GRAMD2B: variants seen among roughly 807,000 people sequenced by gnomAD.
GRAMD2B encodes the protein GRAM domain containing 2B.
GRAMD2B carries 41 observed loss-of-function variants against 59.2 expected under a neutral mutation model. The ratio of observed to expected loss-of-function variants is 0.69; its 90% confidence interval spans 0.54 to 0.90. The LOEUF is 0.90. Ranked by LOEUF, GRAMD2B falls within the 40% of genes least tolerant of loss-of-function variation. GRAMD2B has a pLI of 0.00. For missense variants in GRAMD2B, 424 were observed against 500.5 expected (o/e 0.85, Z 1.46); for synonymous variants, 161 against 182.7 (o/e 0.88, Z 0.96).
chr5:126,405,002 C>T (rs1017600129), intron 1 of GRAMD2B, among the ~76,000 whole-genome samples: 1 of 151,930 alleles, frequency 6.6e-6, no homozygotes, highest in African/African-American at 2.4e-5. Context: ...GGTCAAGTTA[C>T]TTACTCAAGG....
chr5:126,418,083 C>T (rs952332015), intron 1 of GRAMD2B, among the ~76,000 whole-genome samples: 1 of 152,126 alleles, frequency 6.6e-6, no homozygotes, highest in Non-Finnish European at 1.5e-5. Flanking sequence ...GGAGAGACTG[C>T]ATTGAAATAG....
intron 1 of GRAMD2B, among the ~76,000 whole-genome samples, chr5:126,372,537 G>A (rs757865576): frequency 6.6e-6 from 1 of 152,016 alleles, no homozygotes; most frequent in Admixed American, 6.6e-5. Context: ...AGAATGCCAG[G>A]TTATGAAAAT....
chr5:126,410,275 T>G (rs1475186248), intron 1 of GRAMD2B, among the ~76,000 whole-genome samples: 1 of 151,954 alleles, frequency 6.6e-6, no homozygotes, highest in Non-Finnish European at 1.5e-5. Flanking sequence ...TAAATTACCT[T>G]GGGCAGTATG....
chr5:126,378,966 T>C (rs1755433630), intron 1 of GRAMD2B, among the ~76,000 whole-genome samples: 1 of 152,184 alleles, frequency 6.6e-6, no homozygotes, highest in Non-Finnish European at 1.5e-5. Flanking sequence ...CAATGATAAG[T>C]TCCTTAGTGG....
intron 2 of GRAMD2B, chr5:126,466,373 A>G (rs1049664769): frequency 9.3e-6 from 8 of 857,098 alleles, no homozygotes; most frequent in African/African-American, 3.4e-5. Flanking sequence ...TCCTCTTCTG[A>G]CTCTAATTCC....
intron 1 of GRAMD2B, among the ~76,000 whole-genome samples, chr5:126,457,692 G>A (rs1208232450): frequency 6.6e-6 from 1 of 152,074 alleles, no homozygotes; most frequent in Non-Finnish European, 1.5e-5. Context: ...ATCTTAAAGG[G>A]AGAGAGTCAC....
At position 126,469,583 on chromosome 5, in the gene GRAMD2B, C is replaced by T. The variant is rs146284307; in HGVS notation, c.204-94C>T. On this transcript the variant is annotated intron_variant, in intron 2 of 13. Transcript: ENST00000285689. ...CCTGGACGGGGAGGTTGCAGTGAAC[C>T]GTGATCATGCTGCTGCACTTCAGCC... 2.1e-3 allele frequency: 1,698 copies of T among 805,858 alleles called. 19 individuals are homozygous for T. In the African/African-American group the frequency reaches 0.026, roughly 12 times the overall value. The allele number at this position is 805,858 out of a possible 1,614,324, so 49.9% of individuals were successfully genotyped here.
rs1235269044 is a variant in GRAMD2B at position 126,493,039 on chromosome 5, C to A, written c.*83C>A. On this transcript the variant is annotated 3_prime_UTR_variant, in exon 14 of 14. Coordinates refer to ENST00000285689, the MANE Select transcript of GRAMD2B (RefSeq NM_023927.4). The stretch of plus-strand genomic sequence containing the variant: ...TCCTGAGGCGTTTTGTTTGAGTGCA[C>A]CCTGCTGGTCAGAGGTGCAAGCAGA... 4 of 1,023,894 alleles carry A rather than the reference C, an allele frequency of 3.9e-6. No individual in the cohort carries two copies. Among genetic ancestry groups the A allele is most frequent in the African/African-American group, 1.6e-5 (1 of 63,074 alleles). 63.4% of individuals were successfully genotyped at this position (1,023,894 alleles called of 1,614,324 possible). A position where few individuals can be genotyped will look rare whatever the true frequency, so the allele number is the denominator to read the frequency against.
At chr5:126,454,072 G>C (rs1225052783) in intron 1 of GRAMD2B, among the ~76,000 whole-genome samples, 1 of 152,170 alleles carries the variant, frequency 6.6e-6, no homozygotes, top group Middle Eastern at 3.2e-3. Flanking sequence ...AGGGAGCAGA[G>C]AACTGAGAAT....
chr5:126,387,442 T>A lies in GRAMD2B; in HGVS notation c.125+15875T>A, dbSNP rs79844616. The stretch of plus-strand genomic sequence containing the variant: ...TGGTTTTAAATGTCTCTGGGCTTAG[T>A]TTATTTTCTGGAAATATAAGAATAA... On this transcript the variant is annotated intron_variant, in intron 1 of 8. Transcript: ENST00000506445. 4.6e-3 allele frequency among the ~76,000 whole-genome samples: 701 copies of A among 152,006 alleles called. 5 individuals are homozygous for A. Among genetic ancestry groups the A allele is most frequent in the African/African-American group, 0.016 (662 of 41,540 alleles).
upstream of GRAMD2B, among the ~76,000 whole-genome samples, chr5:126,418,475 G>A (rs1004625529): frequency 2.6e-5 from 4 of 152,170 alleles, no homozygotes; most frequent in Non-Finnish European, 5.9e-5. Context: ...CTATTCCTCT[G>A]AGCATGAGTG....
At chr5:126,426,031 G>A (rs779383610) in intron 1 of GRAMD2B, among the ~76,000 whole-genome samples, 12 of 151,914 alleles carry the variant, frequency 7.9e-5, no homozygotes, top group Admixed American at 1.3e-4. Context: ...AAAATGATAG[G>A]TAAGCAAGAC....
intron 1 of GRAMD2B, among the ~76,000 whole-genome samples, chr5:126,457,348 T>G (rs996911433): frequency 2.6e-5 from 4 of 151,074 alleles, no homozygotes; most frequent in Non-Finnish European, 5.9e-5. Flanking sequence ...AATATATAGG[T>G]CTTGGCCAGG....
rs565866745 is a variant in GRAMD2B at position 126,443,789 on chromosome 5, C to T, written c.83+20100C>T. ...GGCCAGCTGGGTGCTGTGGGTCATG[C>T]CTGTAATCCCAACACTTTGGGAGGC... On this transcript the variant is annotated intron_variant, in intron 1 of 13. Coordinates refer to ENST00000285689, the MANE Select transcript of GRAMD2B (RefSeq NM_023927.4). Among the ~76,000 whole-genome samples the T allele has an allele frequency of 8.5e-5, 13 of 152,314 alleles. No homozygotes were observed. In the South Asian group the frequency reaches 1.0e-3, roughly 12 times the overall value.
intron 1 of GRAMD2B, among the ~76,000 whole-genome samples, chr5:126,394,562 A>ACATTCCATTTCAATATTCTG (rs1213051467): frequency 1.3e-5 from 2 of 152,302 alleles, no homozygotes; most frequent in East Asian, 1.9e-4. Context: ...TCAATATTCT[A>ACATTCCATTTCAATATTCTG]CATTCCATTT....
chr5:126,407,037 TG>T (rs1241803635), intron 1 of GRAMD2B, among the ~76,000 whole-genome samples: 2 of 152,036 alleles, frequency 1.3e-5, no homozygotes, highest in East Asian at 3.9e-4. Context: ...GAAGCTTGAG[TG>T]TTTTTCAAGT....
chr5:126,463,961 G>A (rs546057266), intron 1 of GRAMD2B, among the ~76,000 whole-genome samples: 11 of 152,114 alleles, frequency 7.2e-5, no homozygotes, highest in Non-Finnish European at 1.5e-4. Context: ...CTAGGAGGCA[G>A]TGGTTGCAGT....
intron 1 of GRAMD2B, among the ~76,000 whole-genome samples, chr5:126,395,246 G>A (rs958335126): frequency 5.3e-5 from 8 of 152,152 alleles, no homozygotes; most frequent in Admixed American, 1.3e-4. Context: ...ACACAAAACT[G>A]CTTAAGTACA....
At chr5:126,467,044 C>A (rs1768570443) in intron 2 of GRAMD2B, among the ~76,000 whole-genome samples, 1 of 152,154 alleles carries the variant, frequency 6.6e-6, no homozygotes, top group Non-Finnish European at 1.5e-5. Context: ...AATCCTAGCA[C>A]TTTGAGAGAC....
Sources: allele counts gnomAD v4.1 joint callset (sites outside exome capture counted in the v4.1 genomes callset), GRCh38; gene constraint gnomAD v4.1.1; transcripts MANE v1.5; gene names NCBI Gene and HGNC (gene_info 2026-07-23, HGNC 2026-07-21).